The following ARHGEF28 variants were observed in gnomAD, a reference collection of about 807,000 sequenced individuals.
The protein encoded by ARHGEF28 is Rho guanine nucleotide exchange factor 28, also known as 190 kDa guanine nucleotide exchange factor.
A neutral mutation model predicts 206.6 loss-of-function variants in ARHGEF28; 152 were observed. That is an observed-to-expected ratio of 0.74 (90% CI 0.64 to 0.84). ARHGEF28 has a LOEUF of 0.84. ARHGEF28 is among the 40% of genes least tolerant of loss of function. The pLI is 0.00. For synonymous variants in ARHGEF28, 763 were observed against 776.4 expected, an observed-to-expected ratio of 0.98 and a Z score of 0.29; for missense variants, 2,028 against 2,073.2, an observed-to-expected ratio of 0.98 and a Z score of 0.42.
chr5:73,864,267 A>T (rs1759570949), intron 16 of ARHGEF28, among the ~76,000 whole-genome samples: 2 of 152,326 alleles, frequency 1.3e-5, no homozygotes, highest in Admixed American at 6.5e-5. Context: ...ACATGTGCCC[A>T]TTGTTTATGA....
chr5:73,739,921 G>A (rs1044108874), intron 2 of ARHGEF28, among the ~76,000 whole-genome samples: 3 of 150,110 alleles, frequency 2.0e-5, no homozygotes, highest in East Asian at 1.9e-4. Flanking sequence ...TAATTCCAGC[G>A]CTTTGGGAGG....
chr5:73,910,648 A>G (rs1762848497), intron 34 of ARHGEF28, among the ~76,000 whole-genome samples: 1 of 152,184 alleles, frequency 6.6e-6, no homozygotes, highest in South Asian at 2.1e-4. Context: ...TATATACTAT[A>G]GGCACTGAAT....
At chr5:73,855,915 G>C (rs1033498215) in intron 14 of ARHGEF28, among the ~76,000 whole-genome samples, 2 of 151,662 alleles carry the variant, frequency 1.3e-5, no homozygotes, top group Non-Finnish European at 2.9e-5. Context: ...CAATAGTTTA[G>C]TTGTGTTCCT....
intron 1 of ARHGEF28, among the ~76,000 whole-genome samples, chr5:73,629,806 A>C (rs1743248404): frequency 6.6e-6 from 1 of 152,232 alleles, no homozygotes; most frequent in Non-Finnish European, 1.5e-5. Flanking sequence ...AATGTATTTT[A>C]ATTTTCAGAG....
In ARHGEF28 at chr5:73,642,847, G is replaced by GA. The variant is rs201781413; in HGVS notation, c.-12+16533dup. 5.4e-3 allele frequency among the ~76,000 whole-genome samples: 815 copies of GA among 151,914 alleles called. 10 individuals are homozygous for GA. The highest frequency in any genetic ancestry group is 0.018 in the African/African-American group (729 of 41,452). On this transcript the variant is annotated intron_variant, in intron 1 of 35. Coordinates refer to ENST00000513042, the MANE Select transcript of ARHGEF28 (RefSeq NM_001177693.2). ...ATATCTGTTCATGTGGCTGCTCCCT[G>GA]AAAAAAAATCTGTTGGTTTAAGTTC...
intron 25 of ARHGEF28, among the ~76,000 whole-genome samples, 154 bp downstream of exon 25, chr5:73,886,258 A>G (rs1301466076): frequency 1.3e-5 from 2 of 152,220 alleles, no homozygotes; most frequent in Non-Finnish European, 2.9e-5. Flanking sequence ...TCAATAGGCA[A>G]ATTTGGCCAA....
chr5:73,753,151 C>T lies in ARHGEF28; in HGVS notation c.424C>T (p.His142Tyr). 2 of 1,553,998 alleles carry T rather than the reference C, an allele frequency of 1.3e-6. No individual in the cohort carries two copies. Among genetic ancestry groups the T allele is most frequent in the Non-Finnish European group, 8.7e-7 (1 of 1,152,366 alleles). Residue 142 changes from histidine to tyrosine, a missense_variant, in exon 4 of 36, where the codon CAT becomes TAT. His to Tyr is a moderately conservative substitution (Grantham distance 83, BLOSUM62 2). Transcript: ENST00000513042. ...TGAGGAGCTCGTGCTGGCTCTGACC[C>T]ATCTGGAATTGCCTCTAGAGTGGAC... is the stretch of plus-strand genomic sequence containing the variant. ...LDEELVLALT[H>Y]LELPLEWTVL...
chr5:73,806,446 T>C (rs1443205464), intron 9 of ARHGEF28, among the ~76,000 whole-genome samples: 1 of 128,756 alleles, frequency 7.8e-6, no homozygotes, highest in Admixed American at 8.0e-5. Flanking sequence ...GTATATAGTA[T>C]ATATCTATAT....
chr5:73,887,792 T>C, intron 26 of ARHGEF28, 113 bp downstream of exon 26: 3 of 866,202 alleles, frequency 3.5e-6, no homozygotes, highest in Non-Finnish European at 5.1e-6. Context: ...TATATGCTTC[T>C]GTTATGTTTC....
At chr5:73,702,286 G>A (rs980180246) in intron 2 of ARHGEF28, among the ~76,000 whole-genome samples, 2 of 152,156 alleles carry the variant, frequency 1.3e-5, no homozygotes, top group Admixed American at 6.5e-5. Flanking sequence ...AACATATCAT[G>A]TATTTAATCA....
rs577562544 is a variant in ARHGEF28 at position 73,733,557 on chromosome 5, C to T, written c.34-16280C>T. ...ATTGCTATCAAGAAATATCTAAGACCGATTACACTAAAATCTCAGAAATCA... is the reference window on the plus strand; with the variant it reads ...ATTGCTATCAAGAAATATCTAAGACTGATTACACTAAAATCTCAGAAATCA... On this transcript the variant is annotated intron_variant, in intron 2 of 35. Transcript: ENST00000513042. Among the ~76,000 whole-genome samples the T allele has an allele frequency of 2.6e-4, 39 of 152,030 alleles. 1 individual carries two copies. In the South Asian group the frequency reaches 6.5e-3, roughly 25 times the overall value.
chr5:73,849,312 C>T (rs1244949665), intron 13 of ARHGEF28, among the ~76,000 whole-genome samples: 2 of 152,050 alleles, frequency 1.3e-5, no homozygotes, highest in Non-Finnish European at 2.9e-5. Flanking sequence ...ATGCACACCT[C>T]TCTGTTACTT....
intron 1 of ARHGEF28, among the ~76,000 whole-genome samples, chr5:73,654,055 T>A (rs1745014962): frequency 6.6e-6 from 1 of 152,158 alleles, no homozygotes; most frequent in South Asian, 2.1e-4. Flanking sequence ...CTTCTCTCCT[T>A]AAGTTAGGGT....
intron 1 of ARHGEF28, among the ~76,000 whole-genome samples, chr5:73,631,300 C>T (rs984928921): frequency 2.0e-5 from 3 of 152,120 alleles, no homozygotes; most frequent in African/African-American, 7.2e-5. Context: ...CACTAAGACC[C>T]TGATTTACTG....
rs113995553 is a variant in ARHGEF28, at chr5:73,636,826, T to C, written c.-12+10504T>C. 2.6e-3 allele frequency among the ~76,000 whole-genome samples: 396 copies of C among 152,240 alleles called. 3 individuals carry two copies. Among genetic ancestry groups the C allele is most frequent in the African/African-American group, 8.7e-3 (362 of 41,530 alleles). ...TCCACGGTGTGTTCCATCTGTCAAG[T>C]TCTATGTTTCTGTGGAGGTAAGGAT... On this transcript the variant is annotated intron_variant, in intron 1 of 35. Coordinates refer to ENST00000513042, the MANE Select transcript of ARHGEF28 (RefSeq NM_001177693.2).
chr5:73,734,574 A>G (rs1750802643), intron 2 of ARHGEF28, among the ~76,000 whole-genome samples: 1 of 152,176 alleles, frequency 6.6e-6, no homozygotes, highest in Non-Finnish European at 1.5e-5. Context: ...TAGCACAGGT[A>G]ACATTTCTCT....
intron 9 of ARHGEF28, among the ~76,000 whole-genome samples, chr5:73,798,974 T>C (rs1754985223): frequency 6.6e-6 from 1 of 152,090 alleles, no homozygotes; most frequent in South Asian, 2.1e-4. Flanking sequence ...GCAGTCCTGC[T>C]ACTTGGGGGG....
chr5:73,836,580 A>G (rs1174250882), intron 10 of ARHGEF28, among the ~76,000 whole-genome samples: 3 of 152,070 alleles, frequency 2.0e-5, no homozygotes, highest in Non-Finnish European at 4.4e-5. Context: ...TATCAGATGC[A>G]TGGTTTGTAA....
At chr5:73,912,677 A>AT (rs1335886375) in intron 35 of ARHGEF28, among the ~76,000 whole-genome samples, 89 of 152,376 alleles carry the variant, frequency 5.8e-4, no homozygotes, top group African/African-American at 1.9e-3. Context: ...TATTTCAGAT[A>AT]TTCTTTAGGT....
Sources: gnomAD v4.1 joint callset for allele counts (sites outside exome capture counted in the v4.1 genomes callset) on GRCh38, gnomAD v4.1.1 for gene constraint, MANE v1.5 for transcripts, NCBI Gene and HGNC (gene_info 2026-07-23, HGNC 2026-07-21) for gene names.